The following ITGAE variants were observed in gnomAD, a reference collection of about 807,000 sequenced individuals.
ITGAE encodes integrin subunit alpha E.
Under a neutral mutation model 136.5 loss-of-function variants are expected in ITGAE, and 99 were observed. That is an observed-to-expected ratio of 0.73 (90% CI 0.62 to 0.86). The LOEUF is 0.86. Among genes scored for constraint, ITGAE ranks in the 40% least tolerant of loss-of-function variants. The probability of loss-of-function intolerance (pLI) is 0.00; values close to 1 mark genes in which losing one functional copy is unlikely to be tolerated. For missense variants in ITGAE, 1,447 were observed against 1,515.3 expected, an observed-to-expected ratio of 0.95 and a Z score of 0.75; for synonymous variants, 613 against 591.8, an observed-to-expected ratio of 1.04 and a Z score of -0.52.
chr17:3,762,992 A>G (rs1280999279), intron 3 of ITGAE, among the ~76,000 whole-genome samples: 1 of 151,752 alleles, frequency 6.6e-6, no homozygotes, highest in African/African-American at 2.4e-5. Flanking sequence ...TCCTGGGTTC[A>G]AGCGATTCTT....
At chr17:3,792,606 C>G (rs1343427393) in intron 1 of ITGAE, among the ~76,000 whole-genome samples, 19 of 152,218 alleles carry the variant, frequency 1.2e-4, no homozygotes, top group Non-Finnish European at 1.5e-5. Flanking sequence ...AGGAGGCCAA[C>G]AGCTAACATG....
rs192785177 is a variant in ITGAE, at chr17:3,775,716, G to A, written c.155+1824C>T. 1.0e-3 allele frequency among the ~76,000 whole-genome samples: 156 copies of A among 151,306 alleles called. 1 individual carries two copies. The highest frequency in any genetic ancestry group is 3.3e-3 in the African/African-American group (136 of 41,192). On this transcript the variant is annotated intron_variant, in intron 2 of 30. Transcript: ENST00000263087. ...AATTCCTGACCTCAGGTGATCCACC[G>A]GCCTCGGCCTCCCAAAGTGCTGGGA...
At chr17:3,787,839 C>T (rs572850605) in intron 1 of ITGAE, among the ~76,000 whole-genome samples, 22 of 152,200 alleles carry the variant, frequency 1.4e-4, no homozygotes, top group Admixed American at 2.6e-4. Flanking sequence ...AGATGCCCGC[C>T]ACCACGCCCG....
intron 2 of ITGAE, 97 bp downstream of exon 2, chr17:3,777,443 G>T: frequency 7.0e-7 from 1 of 1,423,556 alleles, no homozygotes; most frequent in Non-Finnish European, 9.5e-7. Flanking sequence ...TCCTGACGGT[G>T]GGGTGGGGTG....
At chr17:3,757,659 C>CCAGGCTGTGCAGGTTCAGGAGGTGTCT (rs1014622614) in intron 9 of ITGAE, 47 bp downstream of exon 9, 4 of 1,602,846 alleles carry the variant, frequency 2.5e-6, no homozygotes, top group Non-Finnish European at 3.4e-6. Context: ...TCTCCCCACC[C>CCAGGCTGTGCAGGTTCAGGAGGTGTCT]CAGGCTGTGC....
intron 17 of ITGAE, among the ~76,000 whole-genome samples, chr17:3,746,380 T>C (rs1026768092): frequency 6.6e-5 from 10 of 152,014 alleles, no homozygotes; most frequent in Non-Finnish European, 1.3e-4. Context: ...GGAGAGACAC[T>C]TGCCCAGCAT....
intron 21 of ITGAE, among the ~76,000 whole-genome samples, chr17:3,734,300 C>T (rs1277465852): frequency 1.3e-5 from 2 of 152,154 alleles, no homozygotes; most frequent in Non-Finnish European, 2.9e-5. Context: ...GTCTCGATCT[C>T]CTGACCTCGT....
chr17:3,797,675 G>A (rs974562736), intron 1 of ITGAE, among the ~76,000 whole-genome samples: 1 of 151,194 alleles, frequency 6.6e-6, no homozygotes, highest in Non-Finnish European at 1.5e-5. Context: ...TGGCCAGGAT[G>A]GTCTTGAACT....
rs1273204792 is a variant in ITGAE, at chr17:3,753,280, A to G, written c.1668+10T>C. The G allele has an allele frequency of 1.2e-6, 2 of 1,610,968 alleles. No individual in the cohort carries two copies. Among genetic ancestry groups the G allele is most frequent in the Non-Finnish European group, 1.7e-6 (2 of 1,178,086 alleles). ...CCTCAGCAAGCTCATGAAGATGGAG[A>G]CTCTCCCACCTGCTCGCTGAGACGG... On this transcript the variant is annotated intron_variant, in intron 14 of 30. Transcript: ENST00000263087.
At chr17:3,796,918 G>A (rs1485002109) in intron 1 of ITGAE, among the ~76,000 whole-genome samples, 6 of 151,984 alleles carry the variant, frequency 3.9e-5, no homozygotes, top group African/African-American at 1.2e-4. Flanking sequence ...CAGGGGTCCC[G>A]ACACCCCGCC....
chr17:3,774,143 G>A (rs74852861), intron 2 of ITGAE, among the ~76,000 whole-genome samples: 1 of 151,874 alleles, frequency 6.6e-6, no homozygotes, highest in South Asian at 2.1e-4. Flanking sequence ...GCCCTGCCCA[G>A]CCAGGAACCC....
chr17:3,795,957 CTGTG>C (rs756444784), intron 1 of ITGAE, among the ~76,000 whole-genome samples: 1 of 99,376 alleles, frequency 1.0e-5, no homozygotes, highest in African/African-American at 4.3e-5. Context: ...GTGTGCATCC[CTGTG>C]TGTGCGTGTG....
chr17:3,762,022 C>T (rs370699329), intron 3 of ITGAE, 40 bp from the exon 4 acceptor site: 6 of 1,578,964 alleles, frequency 3.8e-6, no homozygotes, highest in Non-Finnish European at 5.2e-6. Context: ...GGAGGGGACT[C>T]TGGGAGGCAG....
At chr17:3,724,864 G>C (rs201711774) in intron 26 of ITGAE, 2 of 1,613,948 alleles carry the variant, frequency 1.2e-6, no homozygotes, top group Non-Finnish European at 8.5e-7. Flanking sequence ...GAGGCCGTCC[G>C]GAGAGAGCAT....
intron 2 of ITGAE, among the ~76,000 whole-genome samples, chr17:3,772,919 G>A (rs538020375): frequency 2.6e-5 from 4 of 152,244 alleles, no homozygotes; most frequent in African/African-American, 9.6e-5. Flanking sequence ...CACGGGGCAA[G>A]CAGTCCTTCG....
At chr17:3,788,264 C>T (rs2052846861) in intron 1 of ITGAE, among the ~76,000 whole-genome samples, 1 of 150,892 alleles carries the variant, frequency 6.6e-6, no homozygotes, top group Non-Finnish European at 1.5e-5. Flanking sequence ...TTTTTTTAGC[C>T]CCCAAGGTTG....
intron 21 of ITGAE, among the ~76,000 whole-genome samples, chr17:3,733,920 T>C (rs1226967018): frequency 6.6e-6 from 1 of 152,220 alleles, no homozygotes; most frequent in African/African-American, 2.4e-5. Context: ...ACCATTAATA[T>C]GGAGTAGAAA....
chr17:3,785,503 GAA>G (rs2052766351), intron 1 of ITGAE, among the ~76,000 whole-genome samples: 1 of 90,334 alleles, frequency 1.1e-5, no homozygotes, highest in African/African-American at 9.5e-5. Flanking sequence ...AAGGAGGAAG[GAA>G]GGAAGGAAGG....
In ITGAE at chr17:3,734,952, G is replaced by C. The variant is rs1168393710; in HGVS notation, c.2523-3C>G. On this transcript the variant is annotated splice_region_variant and splice_polypyrimidine_tract_variant and intron_variant, in intron 20 of 30. Coordinates refer to ENST00000263087, the MANE Select transcript of ITGAE (RefSeq NM_002208.5). ...TGAGACCCACCACCAACTCCTGCCT[G>C]CACAGGGTACAGATAAAAATGTTAC... 2 of 1,613,988 alleles carry C rather than the reference G, an allele frequency of 1.2e-6. No individual in the cohort carries two copies. The highest frequency in any genetic ancestry group is 1.7e-6 in the Non-Finnish European group (2 of 1,179,998).
Sources: allele counts gnomAD v4.1 joint callset (sites outside exome capture counted in the v4.1 genomes callset), GRCh38; gene constraint gnomAD v4.1.1; transcripts MANE v1.5; gene names NCBI Gene and HGNC (gene_info 2026-07-23, HGNC 2026-07-21).